CACNA1E: variants seen among roughly 807,000 people sequenced by gnomAD.
The protein encoded by CACNA1E is calcium voltage-gated channel subunit alpha1 E.
In CACNA1E, 40 loss-of-function variants were observed where a neutral mutation model predicts 259.2. The ratio of observed to expected loss-of-function variants is 0.15; its 90% CI spans 0.12 to 0.20. CACNA1E has a LOEUF of 0.20. Ranked by LOEUF, CACNA1E falls within the 10% of genes least tolerant of loss-of-function variation. The pLI is 1.00. For synonymous variants in CACNA1E, 1,104 were observed against 1,138.5 expected (o/e 0.97, Z 0.61); for missense variants, 1,874 against 3,040.1 (o/e 0.62, Z 9.02).
At chr1:181,795,461 G>T (rs1164182937) in intron 46 of CACNA1E, among the ~76,000 whole-genome samples, 5 of 149,378 alleles carry the variant, frequency 3.3e-5, no homozygotes, top group Non-Finnish European at 5.9e-5. Flanking sequence ...TTTTTTTTGA[G>T]ACAGAGTTTC....
Position 181,663,378 on chromosome 1 carries a change from C to G in CACNA1E, c.1055+11937C>G, listed in dbSNP as rs562404180. On this transcript the variant is annotated intron_variant, in intron 7 of 47. Coordinates refer to ENST00000367573, the MANE Select transcript of CACNA1E (RefSeq NM_001205293.3). ...GTCTAATGAGAGGCAGAGCTCTCCT[C>G]CCTTCTCCTGGATGCACTATCTTCC... 9.5e-4 allele frequency among the ~76,000 whole-genome samples: 145 copies of G among 152,328 alleles called. 1 individual carries two copies. The highest frequency in any genetic ancestry group is 3.4e-3 in the African/African-American group (143 of 41,588).
At chr1:181,358,491 A>G (rs1286336163) in intron 1 of CACNA1E, among the ~76,000 whole-genome samples, 4 of 152,230 alleles carry the variant, frequency 2.6e-5, no homozygotes, top group South Asian at 2.1e-4. Context: ...ATGAAAATTT[A>G]CTAGGTTGCA....
intron 2 of CACNA1E, among the ~76,000 whole-genome samples, chr1:181,417,578 C>T (rs947286821): frequency 1.7e-4 from 26 of 152,120 alleles, no homozygotes; most frequent in Middle Eastern, 3.2e-3. Flanking sequence ...ACAACCACGC[C>T]GATTGACCTC....
chr1:181,659,008 G>T (rs550817579), intron 7 of CACNA1E, among the ~76,000 whole-genome samples: 1 of 151,972 alleles, frequency 6.6e-6, no homozygotes, highest in Non-Finnish European at 1.5e-5. Context: ...TCCTTAGAGT[G>T]GGGGTTTAGT....
chr1:181,724,612 C>A, intron 17 of CACNA1E, 75 bp downstream of exon 17: 2 of 1,222,074 alleles, frequency 1.6e-6, no homozygotes, highest in South Asian at 1.3e-5. Flanking sequence ...AACTCTCTCC[C>A]AAAGTCTACA....
At chr1:181,579,570 A>T (rs1651313137) in intron 5 of CACNA1E, among the ~76,000 whole-genome samples, 1 of 152,210 alleles carries the variant, frequency 6.6e-6, no homozygotes, top group South Asian at 2.1e-4. Flanking sequence ...CTGGAGGCTT[A>T]GGCAAGAGGA....
chr1:181,735,903 T>A (rs2102573132), intron 21 of CACNA1E, among the ~76,000 whole-genome samples: 1 of 152,102 alleles, frequency 6.6e-6, no homozygotes, highest in Middle Eastern at 3.4e-3. Flanking sequence ...AGTGGGAAAA[T>A]TCAGTAAGTG....
intron 39 of CACNA1E, among the ~76,000 whole-genome samples, chr1:181,781,786 G>A (rs1188391044): frequency 6.6e-6 from 1 of 152,194 alleles, no homozygotes; most frequent in Non-Finnish European, 1.5e-5. Context: ...CTTCTTGTGA[G>A]TGAGTTACCT....
chr1:181,729,433 T>C (rs1655257187), intron 18 of CACNA1E, among the ~76,000 whole-genome samples: 1 of 152,252 alleles, frequency 6.6e-6, no homozygotes, highest in Non-Finnish European at 1.5e-5. Context: ...GACTACACTT[T>C]AAGTGCAAAC....
intron 1 of CACNA1E, among the ~76,000 whole-genome samples, chr1:181,484,356 A>G (rs948783950): frequency 3.3e-5 from 5 of 151,962 alleles, no homozygotes; most frequent in African/African-American, 7.3e-5. Flanking sequence ...GGTTGCCCCA[A>G]TGCTTCCTTT....
intron 6 of CACNA1E, among the ~76,000 whole-genome samples, chr1:181,583,939 C>T (rs575096176): frequency 6.6e-6 from 1 of 152,140 alleles, no homozygotes; most frequent in South Asian, 2.1e-4. Flanking sequence ...TTCTCGTAAC[C>T]TGATAAGTAT....
At chr1:181,581,255 G>A (rs938506981) in intron 6 of CACNA1E, among the ~76,000 whole-genome samples, 5 of 152,110 alleles carry the variant, frequency 3.3e-5, no homozygotes, top group African/African-American at 9.7e-5. Context: ...CACCAATTAA[G>A]TAGGAATATT....
At chr1:181,780,472 G>A (rs1158439399) in intron 38 of CACNA1E, among the ~76,000 whole-genome samples, 1 of 152,106 alleles carries the variant, frequency 6.6e-6, no homozygotes, top group African/African-American at 2.4e-5. Flanking sequence ...GGGCTCCCTG[G>A]GGCATAGCAC....
chr1:181,764,606 C>G (rs1658869890), intron 34 of CACNA1E, among the ~76,000 whole-genome samples: 1 of 152,202 alleles, frequency 6.6e-6, no homozygotes, highest in Admixed American at 6.5e-5. Flanking sequence ...GCGACCTTGA[C>G]ACTTTTTATC....
intron 1 of CACNA1E, among the ~76,000 whole-genome samples, chr1:181,484,375 A>T (rs188760408): frequency 3.9e-5 from 6 of 151,978 alleles, no homozygotes; most frequent in Admixed American, 3.9e-4. Flanking sequence ...TTCATAATTA[A>T]TTCTCATTTT....
At chr1:181,692,877 A>G (rs1014425781) in intron 7 of CACNA1E, among the ~76,000 whole-genome samples, 15 of 152,224 alleles carry the variant, frequency 9.9e-5, no homozygotes, top group African/African-American at 2.9e-4. Context: ...ATGAGAATGC[A>G]AAATATTTGC....
intron 8 of CACNA1E, among the ~76,000 whole-genome samples, chr1:181,714,657 G>A (rs1244175735): frequency 6.6e-6 from 1 of 152,120 alleles, no homozygotes. Flanking sequence ...CATTTCATTA[G>A]CATATGAAAG....
intron 3 of CACNA1E, among the ~76,000 whole-genome samples, chr1:181,526,039 G>A (rs905629028): frequency 6.6e-6 from 1 of 152,118 alleles, no homozygotes; most frequent in African/African-American, 2.4e-5. Context: ...TTCAGAAATT[G>A]GCCTTTGTTG....
intron 3 of CACNA1E, among the ~76,000 whole-genome samples, chr1:181,529,250 A>AG (rs61697782): frequency 0.17 from 25,650 of 152,158 alleles, 2,329 homozygotes; most frequent in African/African-American, 0.23. Flanking sequence ...GTTGAGTCTG[A>AG]GGTGCACAGA....
Sources: allele counts gnomAD v4.1 joint callset (sites outside exome capture counted in the v4.1 genomes callset), GRCh38; gene constraint gnomAD v4.1.1; transcripts MANE v1.5; gene names NCBI Gene and HGNC (gene_info 2026-07-23, HGNC 2026-07-21).